Variants in LRMDA observed in about 807,000 individuals in gnomAD.
LRMDA encodes the protein leucine rich melanocyte differentiation associated.
A neutral mutation model predicts 29.8 loss-of-function variants in LRMDA; 18 were observed. The ratio of observed to expected loss-of-function variants is 0.60; its 90% confidence interval spans 0.42 to 0.90. The LOEUF (loss-of-function observed/expected upper bound fraction) is 0.90. Ranked by LOEUF, LRMDA falls within the 40% of genes least tolerant of loss-of-function variation. LRMDA has a pLI of 0.00. For missense variants in LRMDA, 273 were observed against 273.9 expected (o/e 1.00, Z 0.02); for synonymous variants, 125 against 109.4 (o/e 1.14, Z -0.89).
In LRMDA at chr10:75,739,690, T is replaced by G. The variant is rs183771029; in HGVS notation, c.132-296318T>G. On this transcript the variant is annotated intron_variant, in intron 2 of 6. Transcript: ENST00000611255. ...TGATATAAAACTCACACTTGAGAAC[T>G]GAAGTATTGAATGTTTTTGTGACTG... Among the ~76,000 whole-genome samples the G allele has an allele frequency of 1.2e-3, 186 of 152,334 alleles. 1 individual carries two copies. The highest frequency in any genetic ancestry group is 4.0e-3 in the African/African-American group (166 of 41,578).
chr10:76,410,298 CTTTTTTTTTT>C (rs1172213249), intron 6 of LRMDA, among the ~76,000 whole-genome samples: 46 of 66,564 alleles, frequency 6.9e-4, no homozygotes, highest in East Asian at 4.9e-3. Context: ...CACTTTCTTT[CTTTTTTTTTT>C]TTTTTTTTTT....
chr10:76,355,549 A>G (rs1469517202), intron 6 of LRMDA, among the ~76,000 whole-genome samples: 1 of 152,210 alleles, frequency 6.6e-6, no homozygotes, highest in East Asian at 1.9e-4. Flanking sequence ...TTATTCTCAG[A>G]TGCTAACTTC....
At chr10:75,822,224 TACCAAAAAAAC>T (rs1468444600) in intron 2 of LRMDA, among the ~76,000 whole-genome samples, 1 of 152,018 alleles carries the variant, frequency 6.6e-6, no homozygotes, top group Non-Finnish European at 1.5e-5. Flanking sequence ...TTACAGTGGC[TACCAAAAAAAC>T]ACTGAAGAAT....
chr10:75,530,287 T>C (rs1277192183), intron 2 of LRMDA, among the ~76,000 whole-genome samples: 1 of 152,092 alleles, frequency 6.6e-6, no homozygotes. Flanking sequence ...AAAATAACAT[T>C]GATTGATGAG....
intron 2 of LRMDA, among the ~76,000 whole-genome samples, chr10:75,559,154 T>G (rs1840256998): frequency 6.6e-6 from 1 of 152,204 alleles, no homozygotes; most frequent in East Asian, 1.9e-4. Flanking sequence ...ACCAACAGTG[T>G]AAAAGTGTTC....
chr10:76,174,989 C>T (rs1850906684), intron 5 of LRMDA, among the ~76,000 whole-genome samples: 1 of 152,092 alleles, frequency 6.6e-6, no homozygotes, highest in Non-Finnish European at 1.5e-5. Flanking sequence ...GGCATAGTGG[C>T]GTGCGCCTGT....
At chr10:75,629,523 T>G (rs1006768429) in intron 2 of LRMDA, among the ~76,000 whole-genome samples, 1 of 152,236 alleles carries the variant, frequency 6.6e-6, no homozygotes, top group Non-Finnish European at 1.5e-5. Context: ...CCGAGTGTTA[T>G]AGCCTCACAA....
chr10:76,509,794 T>C (rs1842991428), intron 6 of LRMDA, among the ~76,000 whole-genome samples: 1 of 152,270 alleles, frequency 6.6e-6, no homozygotes, highest in South Asian at 2.1e-4. Context: ...CAGGTCACTG[T>C]AAGCGCAGGG....
rs1413262081 is a variant in LRMDA, at chr10:75,539,423, G to A, written c.131+100929G>A. On this transcript the variant is annotated intron_variant, in intron 2 of 6. Coordinates refer to ENST00000611255, the MANE Select transcript of LRMDA (RefSeq NM_001305581.2). ...GAATTACATGAGGAACTCCCTCTTT[G>A]GGAATGTCATACATTTTATTTCATC... is the stretch of plus-strand genomic sequence containing the variant. 2.0e-5 allele frequency among the ~76,000 whole-genome samples: 3 copies of A among 152,136 alleles called. No homozygotes were observed. The East Asian group carries it at 5.8e-4, about 29-fold the overall frequency.
chr10:75,614,249 T>G (rs1338899993), intron 2 of LRMDA, among the ~76,000 whole-genome samples: 1 of 152,156 alleles, frequency 6.6e-6, no homozygotes, highest in Non-Finnish European at 1.5e-5. Context: ...GGTCTGGCTG[T>G]GATTTCAGCT....
chr10:76,104,710 C>T (rs1345176623), intron 5 of LRMDA, among the ~76,000 whole-genome samples: 3 of 152,104 alleles, frequency 2.0e-5, no homozygotes, highest in African/African-American at 7.2e-5. Flanking sequence ...TCTTTCTTGC[C>T]AGGGTCATGA....
At chr10:76,427,784 AC>A in intron 6 of LRMDA, among the ~76,000 whole-genome samples, 1 of 152,282 alleles carries the variant, frequency 6.6e-6, no homozygotes, top group East Asian at 1.9e-4. Flanking sequence ...TCCCATCAAT[AC>A]CTAATTTATT....
At chr10:76,301,295 A>G (rs1225401787) in intron 5 of LRMDA, among the ~76,000 whole-genome samples, 1 of 152,204 alleles carries the variant, frequency 6.6e-6, no homozygotes, top group Non-Finnish European at 1.5e-5. Flanking sequence ...CTGTTATATG[A>G]AACAGCTTAT....
intron 6 of LRMDA, among the ~76,000 whole-genome samples, chr10:76,375,552 C>T (rs907903983): frequency 6.6e-6 from 1 of 152,108 alleles, no homozygotes; most frequent in Non-Finnish European, 1.5e-5. Flanking sequence ...CATGGATAAC[C>T]TATATGACTA....
chr10:76,072,075 G>T (rs919779512), intron 5 of LRMDA, among the ~76,000 whole-genome samples: 8 of 152,200 alleles, frequency 5.3e-5, no homozygotes, highest in South Asian at 2.1e-4. Flanking sequence ...TGGTTAGACA[G>T]TTGGCAGCTG....
chr10:76,145,870 C>A (rs866359970), intron 5 of LRMDA, among the ~76,000 whole-genome samples: 1 of 151,010 alleles, frequency 6.6e-6, no homozygotes, highest in African/African-American at 2.4e-5. Context: ...GAATGTGTCC[C>A]AGAGATTCTG....
chr10:75,965,173 A>G (rs1269186126), intron 2 of LRMDA, among the ~76,000 whole-genome samples: 1 of 152,084 alleles, frequency 6.6e-6, no homozygotes, highest in African/African-American at 2.4e-5. Flanking sequence ...ATAGCACCTA[A>G]CTCTAAGGGC....
At chr10:76,192,477 C>T (rs1183841563) in intron 5 of LRMDA, among the ~76,000 whole-genome samples, 15 of 152,282 alleles carry the variant, frequency 9.9e-5, no homozygotes, top group African/African-American at 3.6e-4. Context: ...AGTAATTTTA[C>T]GCATCTTAAG....
intron 2 of LRMDA, among the ~76,000 whole-genome samples, chr10:75,652,199 G>A (rs1185800462): frequency 2.0e-5 from 3 of 152,190 alleles, no homozygotes; most frequent in African/African-American, 7.2e-5. Flanking sequence ...ACCAAGTTCT[G>A]ACAAAGCAAG....
Sources: allele counts gnomAD v4.1 joint callset (sites outside exome capture counted in the v4.1 genomes callset), GRCh38; gene constraint gnomAD v4.1.1; transcripts MANE v1.5; gene names NCBI Gene and HGNC (gene_info 2026-07-23, HGNC 2026-07-21).